ALDH3A1: variants seen among roughly 807,000 people sequenced by gnomAD.
The protein encoded by ALDH3A1 is aldehyde dehydrogenase, dimeric NADP-preferring.
Under a neutral mutation model 49.9 loss-of-function variants are expected in ALDH3A1, and 46 were observed. That is an observed-to-expected ratio of 0.92 (90% CI 0.73 to 1.18). ALDH3A1 has a LOEUF of 1.18. Among genes scored for constraint, ALDH3A1 ranks in the 50% most tolerant of loss-of-function variants. The pLI is 0.00. For synonymous variants in ALDH3A1, 269 were observed against 253.3 expected, an observed-to-expected ratio of 1.06 and a Z score of -0.59; for missense variants, 592 against 611.8, an observed-to-expected ratio of 0.97 and a Z score of 0.34.
intron 4 of ALDH3A1, 98 bp downstream of exon 4, chr17:19,742,447 C>G: frequency 7.2e-7 from 1 of 1,381,134 alleles, no homozygotes; most frequent in Non-Finnish European, 1.0e-6. Context: ...GTAGCTTGGC[C>G]CCTTGCTGCA....
Position 19,744,065 on chromosome 17 carries a change from T to C in ALDH3A1, c.163-602A>G, listed in dbSNP as rs186459345. 2.2e-3 allele frequency: 2,217 copies of C among 985,348 alleles called. 2 individuals carry two copies. The highest frequency in any genetic ancestry group is 2.6e-3 in the Non-Finnish European group (2,143 of 829,910). The allele number at this position is 985,348 out of a possible 1,614,324, so 61.0% of individuals were successfully genotyped here. On this transcript the variant is annotated intron_variant, in intron 2 of 10. Coordinates refer to ENST00000225740, the MANE Select transcript of ALDH3A1 (RefSeq NM_000691.5). ...CAACAGAATGGGTTTCCTTGTTGTT[T>C]CTGGTTTAAGATGAGAAGTCCTGAG...
chr17:19,740,046 C>T lies in ALDH3A1; in HGVS notation c.949+290G>A, dbSNP rs3744694. 3.4e-3 allele frequency: 1,619 copies of T among 471,626 alleles called. 42 individuals are homozygous for T. In the East Asian group the frequency reaches 0.048, roughly 14 times the overall value. 29.2% of individuals were successfully genotyped at this position (471,626 alleles called of 1,614,324 possible). Reference sequence around the variant, plus strand: ...ACTGGGGGCCCCTCACGGCTGGGCACACCTGGGGCTCCTGTGGCTTCTGCT... The same window carrying T: ...ACTGGGGGCCCCTCACGGCTGGGCATACCTGGGGCTCCTGTGGCTTCTGCT... On this transcript the variant is annotated intron_variant, in intron 7 of 10. Coordinates refer to ENST00000225740, the MANE Select transcript of ALDH3A1 (RefSeq NM_000691.5).
intron 1 of ALDH3A1, 64 bp from the exon 2 acceptor site, chr17:19,745,198 C>T (rs2086580019): frequency 1.4e-6 from 2 of 1,478,692 alleles, no homozygotes; most frequent in African/African-American, 2.9e-5. Flanking sequence ...CCCACCCTGC[C>T]TGAATTCTAT....
In ALDH3A1 at chr17:19,744,954, C is replaced by T. The variant is rs201273273; in HGVS notation, c.162+14G>A. ...CCCCGACACTGGCAGAAGGCGGCCG[C>T]CCAGCCTGAGCACCTTGTGCAGGTC... is the stretch of plus-strand genomic sequence containing the variant. On this transcript the variant is annotated intron_variant, in intron 2 of 10. Transcript: ENST00000225740. 8.4e-4 allele frequency: 1,283 copies of T among 1,536,298 alleles called. 31 individuals are homozygous for T. In the East Asian group the frequency reaches 0.027, roughly 33 times the overall value.
rs1357382541 is a variant in ALDH3A1, at chr17:19,748,033, G to A, written c.-6+226C>T. ...GGCCCATCAGGGCCTCTCACTCCAC[G>A]GCCACCTTGGTGTCCCTGCTCCGCG... is the stretch of plus-strand genomic sequence containing the variant. On this transcript the variant is annotated intron_variant, in intron 1 of 10. Transcript: ENST00000225740. The surrounding 1 kb of genome is among the most constrained non-coding windows in gnomAD (Gnocchi z 4.4). 1 of 214,340 alleles carries A rather than the reference G, an allele frequency of 4.7e-6. No individual in the cohort carries two copies. The highest frequency in any genetic ancestry group is 9.9e-6 in the Non-Finnish European group (1 of 101,408). 13.3% of individuals were successfully genotyped at this position (214,340 alleles called of 1,614,324 possible).
chr17:19,746,361 C>G (rs1327946780), intron 1 of ALDH3A1, among the ~76,000 whole-genome samples: 1 of 152,040 alleles, frequency 6.6e-6, no homozygotes, highest in African/African-American at 2.4e-5. Context: ...CCATTGCACT[C>G]CAGCACTTTG....
In ALDH3A1 at chr17:19,740,480, G is replaced by A. The variant is rs2086471872; in HGVS notation, c.808-3C>T. 3.7e-6 allele frequency: 6 copies of A among 1,613,886 alleles called. No individual in the cohort carries two copies. Among genetic ancestry groups the A allele is most frequent in the Non-Finnish European group, 5.1e-6 (6 of 1,180,002 alleles). ...TTAGCATCTTCCCCGTAGAACTCCT[G>A]TGGAGAAGAGGTGGGGGCTTCGGGT... On this transcript the variant is annotated splice_region_variant and splice_polypyrimidine_tract_variant and intron_variant, in intron 6 of 10. Transcript: ENST00000225740.
chr17:19,741,230 G>C lies in ALDH3A1; in HGVS notation c.690-20C>G. 2 of 1,605,246 alleles carry C rather than the reference G, an allele frequency of 1.2e-6. No individual in the cohort carries two copies. The highest frequency in any genetic ancestry group is 1.8e-4 in the Middle Eastern group (1 of 5,590). The stretch of plus-strand genomic sequence containing the variant: ...ATGCGTCTGTGAGAATCCCAGACTG[G>C]ACTAAATCCAAAAGGTTCCCCAGGA... On this transcript the variant is annotated intron_variant, in intron 5 of 10. Coordinates refer to ENST00000225740, the MANE Select transcript of ALDH3A1 (RefSeq NM_000691.5).
At position 19,742,193 on chromosome 17, in the gene ALDH3A1, T is replaced by C. The variant is rs996876723; in HGVS notation, c.500A>G (p.Asn167Ser). 1.1e-5 allele frequency: 17 copies of C among 1,613,824 alleles called. No homozygotes were observed. Among genetic ancestry groups the C allele is most frequent in the African/African-American group, 5.3e-5 (4 of 74,890 alleles). The part of the protein sequence containing the change: ...YLDKDLYPVI[N>S]GGVPETTELL... ...CTCCGTGGTCTCAGGGACACCCCCA[T>C]TGATTACTGGGTACAGATCCTTCCA... Residue 167 changes from asparagine (N) to serine (S), a missense_variant, in exon 5 of 11, where the codon AAT (asparagine) becomes AGT (serine). Coordinates refer to ENST00000225740, the MANE Select transcript of ALDH3A1 (RefSeq NM_000691.5).
intron 9 of ALDH3A1, 75 bp downstream of exon 9, chr17:19,738,921 C>T: frequency 7.3e-7 from 1 of 1,365,634 alleles, no homozygotes; most frequent in Non-Finnish European, 1.0e-6. Flanking sequence ...GGAGGTGGTC[C>T]CTCCTGAATT....
At chr17:19,740,583 T>C in intron 6 of ALDH3A1, 106 bp from the exon 7 acceptor site, 1 of 1,285,010 alleles carries the variant, frequency 7.8e-7, no homozygotes, top group Non-Finnish European at 1.1e-6. Flanking sequence ...GGTGGGATTC[T>C]GGGTGGAGCT....
rs920585772 is a variant in ALDH3A1, at chr17:19,743,704, G to A, written c.163-241C>T. ...GGTAGGTTTGCGGCCCCAGGGGAGAGAGCCGGTGAAGGGACCAGGCATGGG... is the reference window on the plus strand; with the variant it reads ...GGTAGGTTTGCGGCCCCAGGGGAGAAAGCCGGTGAAGGGACCAGGCATGGG... On this transcript the variant is annotated intron_variant, in intron 2 of 10. Transcript: ENST00000225740. The surrounding 1 kb of genome is among the most constrained non-coding windows in gnomAD (Gnocchi z 4.4). The A allele has an allele frequency of 1.0e-6, 1 of 985,298 alleles. No individual in the cohort carries two copies. Among genetic ancestry groups the A allele is most frequent in the Non-Finnish European group, 1.2e-6 (1 of 829,894 alleles). 61.0% of individuals were successfully genotyped at this position (985,298 alleles called of 1,614,324 possible).
chr17:19,743,093 T>A lies in ALDH3A1; in HGVS notation c.394+139A>T. The A allele has an allele frequency of 1.3e-6, 2 of 1,535,806 alleles. No homozygotes were observed. The highest frequency in any genetic ancestry group is 1.7e-6 in the Non-Finnish European group (2 of 1,146,848). On this transcript the variant is annotated intron_variant, in intron 3 of 10. Coordinates refer to ENST00000225740, the MANE Select transcript of ALDH3A1 (RefSeq NM_000691.5). This position sits in a 1 kb window ranked among gnomAD's most constrained non-coding sequence, Gnocchi z 4.4. ...CAAGAGGCCTGGCTAAACAGCTTGG[T>A]CCCCACAGCCTCCTGTGACAGACCC...
intron 6 of ALDH3A1, 147 bp downstream of exon 6, chr17:19,740,946 G>A (rs1430667178): frequency 3.1e-6 from 2 of 647,420 alleles, no homozygotes; most frequent in African/African-American, 1.8e-5. Context: ...GATTACCGGT[G>A]TGAGCCACCA....
rs756334935 is a variant in ALDH3A1, at chr17:19,738,228, T to C, written c.1355A>G (p.Gln452Arg). 5 of 1,613,922 alleles carry C rather than the reference T, an allele frequency of 3.1e-6. No individual in the cohort carries two copies. The African/African-American group carries it at 6.7e-5, about 22-fold the overall frequency. ...AGGCGGAGCAACCCCTCCTCAGTGC[T>C]GGGTCATCTGTGAAAGGGACACGGA... is the stretch of plus-strand genomic sequence containing the variant. Reference protein sequence around the residue: ...RYPPSPAKMTQH With the variant: ...RYPPSPAKMTRH Residue 452 changes from glutamine (Q) to arginine (R), a missense_variant, in exon 11 of 11, where the codon CAG becomes CGG. Transcript: ENST00000225740.
intron 2 of ALDH3A1, chr17:19,744,425 A>AAAAAT: frequency 2.0e-6 from 2 of 983,994 alleles, no homozygotes; most frequent in Non-Finnish European, 2.4e-6. Context: ...AAAATAAAAT[A>AAAAAT]AAAATAAAAG....
chr17:19,743,359 CT>C lies in ALDH3A1; in HGVS notation c.266del (p.Lys89ArgfsTer54), dbSNP rs2086537832. On this transcript the variant is annotated frameshift_variant, in exon 3 of 11. Coordinates refer to ENST00000225740, the MANE Select transcript of ALDH3A1 (RefSeq NM_000691.5). LOFTEE classifies it high-confidence loss of function. This position sits in a 1 kb window ranked among gnomAD's most constrained non-coding sequence, Gnocchi z 4.4. ...GCTCGTCCTGCTGAGTCTGGGGCGT[CT>C]TCTCCACGGGCTCATCCGCGGCCCA... ...PEWAADEPVE[K>X]TPQTQQDELY... is the part of the protein sequence containing the mutation. 1 of 1,614,030 alleles carries C rather than the reference CT, an allele frequency of 6.2e-7. No individual in the cohort carries two copies. The highest frequency in any genetic ancestry group is 8.5e-7 in the Non-Finnish European group (1 of 1,180,032).
In ALDH3A1 at chr17:19,743,277, G is replaced by A. The variant is rs1169663999; in HGVS notation, c.349C>T (p.Pro117Ser). ...ATGGGCTGGATGGTGAGGTTGAAGG[G>A]GTAGTTCCAGGTGCCAATGACGAGG... is the stretch of plus-strand genomic sequence containing the variant. ...VVLVIGTWNYPFNLTIQPMVG... is the reference protein window; with the variant it reads ...VVLVIGTWNYSFNLTIQPMVG... The change falls in exon 3 of 11, where the codon CCC (proline) becomes TCC (serine). Residue 117 changes from proline (P) to serine (S), a missense_variant. Physicochemically the swap from Pro to Ser is moderately conservative, Grantham distance 74. Coordinates refer to ENST00000225740, the MANE Select transcript of ALDH3A1 (RefSeq NM_000691.5). The surrounding 1 kb of genome is among the most constrained non-coding windows in gnomAD (Gnocchi z 4.4). The A allele has an allele frequency of 9.9e-6, 16 of 1,614,058 alleles. No individual in the cohort carries two copies. The highest frequency in any genetic ancestry group is 1.3e-5 in the Non-Finnish European group (15 of 1,180,012).
Position 19,743,751 on chromosome 17 carries a change from G to A in ALDH3A1, c.163-288C>T. On this transcript the variant is annotated intron_variant, in intron 2 of 10. Transcript: ENST00000225740. This position sits in a 1 kb window ranked among gnomAD's most constrained non-coding sequence, Gnocchi z 4.4. ...TGGGCAACGGAATGGATCCAGGTAG[G>A]GGGAATAGAGCCGGGCAGGGGAGAG... 1.0e-6 allele frequency: 1 copy of A among 985,086 alleles called. No individual in the cohort carries two copies. Among genetic ancestry groups the A allele is most frequent in the Non-Finnish European group, 1.2e-6 (1 of 829,828 alleles). 61.0% of individuals were successfully genotyped at this position (985,086 alleles called of 1,614,324 possible). A position where few individuals can be genotyped will look rare whatever the true frequency, so the allele number is the denominator to read the frequency against.
Sources: gnomAD v4.1 joint callset for allele counts (sites outside exome capture counted in the v4.1 genomes callset) on GRCh38, gnomAD v4.1.1 for gene constraint, Gnocchi (gnomAD v3.1) non-coding constraint, MANE v1.5 for transcripts, NCBI Gene and HGNC (gene_info 2026-07-23, HGNC 2026-07-21) for gene names.